ABCA10: variants seen among roughly 807,000 people sequenced by gnomAD.
ABCA10 encodes ATP binding cassette subfamily A member 10.
ABCA10 carries 169 observed loss-of-function variants against 187.5 expected under a neutral mutation model. The observed-to-expected ratio is 0.90, with a 90% CI of 0.80 to 1.02. The LOEUF (loss-of-function observed/expected upper bound fraction) is 1.02, where lower values mean the gene tolerates loss of function less well. Ranked by LOEUF, ABCA10 falls within the 50% of genes least tolerant of loss-of-function variation. ABCA10 has a pLI of 0.00. For synonymous variants in ABCA10, 574 were observed against 601.8 expected (o/e 0.95, Z 0.68); for missense variants, 1,727 against 1,812.4 (o/e 0.95, Z 0.86).
intron 23 of ABCA10, 95 bp from the exon 24 acceptor site, chr17:69,174,872 T>C (rs1218689288): frequency 1.1e-5 from 12 of 1,119,206 alleles, no homozygotes; most frequent in Middle Eastern, 2.9e-4. Context: ...TTAGAAATAG[T>C]ATGTTATAGT....
intron 1 of ABCA10, among the ~76,000 whole-genome samples, chr17:69,237,211 C>A (rs2074877396): frequency 6.6e-6 from 1 of 152,122 alleles, no homozygotes; most frequent in South Asian, 2.1e-4. Flanking sequence ...AATTTATTGG[C>A]AGAGAGAAAG....
At chr17:69,216,793 G>A (rs772347265) in intron 6 of ABCA10, among the ~76,000 whole-genome samples, 27 of 152,086 alleles carry the variant, frequency 1.8e-4, no homozygotes, top group Middle Eastern at 3.4e-3. Flanking sequence ...GCTTTCTAAG[G>A]TATACCATTC....
At chr17:69,221,919 T>C (rs775377775) in intron 4 of ABCA10, 24 bp from the exon 5 acceptor site, 2 of 1,539,594 alleles carry the variant, frequency 1.3e-6, no homozygotes, top group Non-Finnish European at 1.8e-6. Flanking sequence ...GAAAAACATG[T>C]CCATAGTTAT....
intron 22 of ABCA10, among the ~76,000 whole-genome samples, chr17:69,179,622 C>T (rs1432878580): frequency 2.0e-5 from 2 of 100,960 alleles, no homozygotes; most frequent in Non-Finnish European, 5.4e-5. Context: ...AGAAGCAGAA[C>T]AGTCAAAAGG....
Position 69,219,632 on chromosome 17 carries a change from A to G in ABCA10, c.443T>C (p.Ile148Thr). 3.7e-6 allele frequency: 6 copies of G among 1,611,092 alleles called. No individual in the cohort carries two copies. The highest frequency in any genetic ancestry group is 5.1e-6 in the Non-Finnish European group (6 of 1,178,866). Reference sequence around the variant, plus strand: ...TGCAACATTTAATGATGCAAAGTATATAAAAGAAGAGAAAGAAACTAAGCA... The same window carrying G: ...TGCAACATTTAATGATGCAAAGTATGTAAAAGAAGAGAAAGAAACTAAGCA... ...FTCLVSFSSF[I>T]YFASLNVARE... Residue 148 changes from isoleucine (I) to threonine (T), a missense_variant, in exon 6 of 39, where the codon ATA becomes ACA. Physicochemically the swap from Ile to Thr is moderately conservative, Grantham distance 89. Coordinates refer to ENST00000690296, the MANE Select transcript of ABCA10 (RefSeq NM_001377321.1).
rs368825986 is a variant in ABCA10 at position 69,153,472 on chromosome 17, T to C, written c.4040A>G (p.Lys1347Arg). 29 of 1,614,018 alleles carry C rather than the reference T, an allele frequency of 1.8e-5. No homozygotes were observed. Among genetic ancestry groups the C allele is most frequent in the Non-Finnish European group, 2.3e-5 (27 of 1,180,018 alleles). Reference protein sequence around the residue: ...VKTLSEGIKRKLCFVLSILGN... With the variant: ...VKTLSEGIKRRLCFVLSILGN... ...GGAAACCCCGAGCCTGGCCCATACCTTTCTCTTTATTCCCTCTGATAGAGT... is the reference window on the plus strand; with the variant it reads ...GGAAACCCCGAGCCTGGCCCATACCCTTCTCTTTATTCCCTCTGATAGAGT... Residue 1347 changes from lysine (K) to arginine (R), a missense_variant and splice_region_variant, in exon 33 of 39, where the codon AAG (lysine) becomes AGG (arginine). Transcript: ENST00000690296.
chr17:69,214,960 A>G, intron 8 of ABCA10, 109 bp from the exon 9 acceptor site: 1 of 753,426 alleles, frequency 1.3e-6, no homozygotes, highest in Non-Finnish European at 1.9e-6. Context: ...ATATTTTAAT[A>G]CCTTTTCAAA....
intron 9 of ABCA10, among the ~76,000 whole-genome samples, chr17:69,210,143 C>T (rs1249440981): frequency 7.3e-6 from 1 of 137,532 alleles, no homozygotes; most frequent in Non-Finnish European, 1.6e-5. Context: ...TGTTTGGTTA[C>T]ATGGGTAAAT....
rs2074802354 is a variant in ABCA10, at chr17:69,227,293, A to G, written c.-312-8T>C. On this transcript the variant is annotated splice_region_variant and splice_polypyrimidine_tract_variant and intron_variant, in intron 1 of 38. Coordinates refer to ENST00000690296, the MANE Select transcript of ABCA10 (RefSeq NM_001377321.1). ...AATATTGCAGAGCAATAGCTAGGGG[A>G]AAAAAGAAAAAAAAAAAGTTCAGTT... is the stretch of plus-strand genomic sequence containing the variant. 6.6e-6 allele frequency: 1 copy of G among 151,712 alleles called. No homozygotes were observed. The highest frequency in any genetic ancestry group is 1.5e-5 in the Non-Finnish European group (1 of 67,660). The allele number at this position is 151,712 out of a possible 1,614,324, so 9.4% of individuals were successfully genotyped here. A position where few individuals can be genotyped will look rare whatever the true frequency, so the allele number is the denominator to read the frequency against.
Position 69,193,800 on chromosome 17 carries a change from A to T in ABCA10, c.1521+14T>A, listed in dbSNP as rs761732728. On this transcript the variant is annotated intron_variant, in intron 13 of 38. Coordinates refer to ENST00000690296, the MANE Select transcript of ABCA10 (RefSeq NM_001377321.1). ...ATTATTTCCAAAGCCATCAATCTTA[A>T]TGTGTTCCTGTACCTCTTGTTCCAC... is the stretch of plus-strand genomic sequence containing the variant. 1.9e-6 allele frequency: 3 copies of T among 1,607,746 alleles called. No individual in the cohort carries two copies. In the Admixed American group the frequency reaches 5.1e-5, roughly 28 times the overall value.
rs202012056 is a variant in ABCA10, at chr17:69,182,155, G to C, written c.2767C>G (p.Arg923Gly). Residue 923 changes from arginine to glycine, a missense_variant and splice_region_variant, in exon 22 of 39, where the codon CGT becomes GGT. Physicochemically the swap from Arg to Gly is moderately radical, Grantham distance 125 (BLOSUM62 -2). Coordinates refer to ENST00000690296, the MANE Select transcript of ABCA10 (RefSeq NM_001377321.1). ...TATAAGTCGAATACTCTACTTACAC[G>C]AGAAAATGAAGTGCTCTCCATTTGA... ...LIQMESTSFSRDDIVLDLGFI... is the reference protein window; with the variant it reads ...LIQMESTSFSGDDIVLDLGFI... 1.5e-5 allele frequency: 23 copies of C among 1,569,426 alleles called. No individual in the cohort carries two copies. Among genetic ancestry groups the C allele is most frequent in the Non-Finnish European group, 1.9e-5 (22 of 1,158,080 alleles).
rs2074132166 is a variant in ABCA10 at position 69,151,979 on chromosome 17, AACT to A, written c.4397+61_4397+63del. ...TCTCTTCCGGTTTAGACTAGCACAAAACTAATTGATGCTAATACTGGAAAACAC... is the reference window on the plus strand; with the variant it reads ...TCTCTTCCGGTTTAGACTAGCACAAAAATTGATGCTAATACTGGAAAACAC... On this transcript the variant is annotated intron_variant, in intron 36 of 38. Coordinates refer to ENST00000690296, the MANE Select transcript of ABCA10 (RefSeq NM_001377321.1). 21 of 1,557,008 alleles carry A rather than the reference AACT, an allele frequency of 1.3e-5. No homozygotes were observed. In the East Asian group the frequency reaches 4.7e-4, roughly 35 times the overall value.
intron 9 of ABCA10, among the ~76,000 whole-genome samples, chr17:69,210,785 T>A (rs1167720171): frequency 1.3e-5 from 2 of 148,152 alleles, no homozygotes; most frequent in African/African-American, 5.1e-5. Flanking sequence ...TTTCATTATA[T>A]ATATGTATAT....
upstream of ABCA10, among the ~76,000 whole-genome samples, chr17:69,230,727 T>A (rs764936470): frequency 6.6e-6 from 1 of 152,082 alleles, no homozygotes; most frequent in African/African-American, 2.4e-5. Context: ...TCCACATACC[T>A]CTATTTCATT....
intron 9 of ABCA10, among the ~76,000 whole-genome samples, chr17:69,209,643 T>C (rs961219626): frequency 6.6e-6 from 1 of 152,164 alleles, no homozygotes; most frequent in Non-Finnish European, 1.5e-5. Context: ...AAATTATGTG[T>C]GAGGAAAACA....
In ABCA10 at chr17:69,155,127, T is replaced by A; in HGVS notation, c.3586A>T (p.Ile1196Leu). 1.9e-6 allele frequency: 3 copies of A among 1,603,796 alleles called. No homozygotes were observed. The highest frequency in any genetic ancestry group is 2.6e-6 in the Non-Finnish European group (3 of 1,174,930). Residue 1196 changes from isoleucine (I) to leucine (L), a missense_variant, in exon 30 of 39, where the codon ATA (isoleucine) becomes TTA (leucine). Physicochemically the swap from Ile to Leu is conservative, Grantham distance 5. Transcript: ENST00000690296. ...TAPNLEEEPV[I>L]TASCLHKEYY... ...TCCTTGTGTAAACAGCTTGCAGTTA[T>A]GACTGGTTCCTGGAAAACATGACAA... is the stretch of plus-strand genomic sequence containing the variant.
chr17:69,215,744 G>A, intron 8 of ABCA10, 71 bp downstream of exon 8: 1 of 1,279,592 alleles, frequency 7.8e-7, no homozygotes, highest in South Asian at 2.5e-5. Context: ...ATTTCATGAG[G>A]CACCAAATTC....
Position 69,185,515 on chromosome 17 carries a change from T to A in ABCA10, c.2459A>T (p.Lys820Met), listed in dbSNP as rs764511487. ...MYFLSLEQIP[K>M]TPLTSLLIVN... ...GATTAACAGGCTGGTAAGAGGCGTC[T>A]TCGGGATTTGTTCCAGAGAAAGGAA... Residue 820 changes from lysine to methionine, a missense_variant, in exon 20 of 39, where the codon AAG becomes ATG. By Grantham distance (95) the Lys-to-Met change is moderately conservative. Coordinates refer to ENST00000690296, the MANE Select transcript of ABCA10 (RefSeq NM_001377321.1). The A allele has an allele frequency of 6.2e-7, 1 of 1,613,670 alleles. No homozygotes were observed. Among genetic ancestry groups the A allele is most frequent in the South Asian group, 1.1e-5 (1 of 91,020 alleles).
intron 9 of ABCA10, among the ~76,000 whole-genome samples, chr17:69,202,785 A>G (rs924430924): frequency 1.3e-5 from 2 of 152,068 alleles, no homozygotes; most frequent in African/African-American, 2.4e-5. Context: ...GGACATATCT[A>G]TTAGAGTAGA....
Sources: allele counts gnomAD v4.1 joint callset (sites outside exome capture counted in the v4.1 genomes callset), GRCh38; gene constraint gnomAD v4.1.1; transcripts MANE v1.5; gene names NCBI Gene and HGNC (gene_info 2026-07-23, HGNC 2026-07-21).